Variants in KIF6 observed in about 807,000 individuals in gnomAD.
KIF6 encodes the protein kinesin family member 6, also known as kinesin-like protein KIF6.
In KIF6, 106 loss-of-function variants were observed where a neutral mutation model predicts 112.7. The observed-to-expected ratio is 0.94, with a 90% confidence interval of 0.80 to 1.11. The LOEUF is 1.11. KIF6 is among the 50% of genes least tolerant of loss of function. The pLI is 0.00. For synonymous variants in KIF6, 339 were observed against 339.9 expected (o/e 1.00, Z 0.03); for missense variants, 929 against 964.0 (o/e 0.96, Z 0.48).
chr6:39,540,145 A>G lies in KIF6; in HGVS notation c.1503T>C (p.Arg501=), dbSNP rs1778706549. The change falls in exon 13 of 23, where the codon CGT becomes CGC. Residue 501 remains arginine, a synonymous_variant. Coordinates refer to ENST00000287152, the MANE Select transcript of KIF6 (RefSeq NM_145027.6). Reference sequence around the variant, plus strand: ...GTGGGCTCTGGGACTGTCTGAATTCACGTCTATCCATGCCAGCCAAGTGGA... The same window carrying G: ...GTGGGCTCTGGGACTGTCTGAATTCGCGTCTATCCATGCCAGCCAAGTGGA... ...EALHLAGMDR[R]EFRQSQSPPF... 2 of 1,614,158 alleles carry G rather than the reference A, an allele frequency of 1.2e-6. No individual in the cohort carries two copies. The highest frequency in any genetic ancestry group is 1.7e-6 in the Non-Finnish European group (2 of 1,180,016).
At chr6:39,668,793 A>G (rs886775183) in intron 3 of KIF6, among the ~76,000 whole-genome samples, 4 of 152,140 alleles carry the variant, frequency 2.6e-5, no homozygotes, top group Non-Finnish European at 5.9e-5. Flanking sequence ...ATTTTAAGTA[A>G]TATTTTATAT....
At chr6:39,669,638 A>T (rs1190762158) in intron 3 of KIF6, among the ~76,000 whole-genome samples, 1 of 152,246 alleles carries the variant, frequency 6.6e-6, no homozygotes, top group East Asian at 1.9e-4. Flanking sequence ...CTTCTGTCAC[A>T]AAGGTACTTA....
At chr6:39,402,378 G>A (rs1329393509) in intron 15 of KIF6, among the ~76,000 whole-genome samples, 3 of 152,112 alleles carry the variant, frequency 2.0e-5, no homozygotes, top group Non-Finnish European at 2.9e-5. Context: ...TGCTGTGCCC[G>A]GCAGAAACTT....
At chr6:39,699,818 C>T (rs779247804) in intron 3 of KIF6, among the ~76,000 whole-genome samples, 1 of 151,908 alleles carries the variant, frequency 6.6e-6, no homozygotes, top group African/African-American at 2.4e-5. Context: ...AACAATAATA[C>T]TTTATTAATA....
At chr6:39,567,117 A>T (rs150013596) in intron 10 of KIF6, among the ~76,000 whole-genome samples, 40 of 152,358 alleles carry the variant, frequency 2.6e-4, no homozygotes, top group African/African-American at 8.2e-4. Flanking sequence ...AAAGACTTCT[A>T]TAAATGAAGT....
At chr6:39,533,691 A>C (rs1167044268) in intron 13 of KIF6, among the ~76,000 whole-genome samples, 1 of 152,260 alleles carries the variant, frequency 6.6e-6, no homozygotes, top group Non-Finnish European at 1.5e-5. Context: ...CCTGTCTGAC[A>C]GCTTTGAAGA....
Position 39,610,490 on chromosome 6 carries a change from T to C in KIF6, c.639+2699A>G, listed in dbSNP as rs150475702. Among the ~76,000 whole-genome samples the C allele has an allele frequency of 4.5e-4, 69 of 152,338 alleles. 1 individual carries two copies. The East Asian group carries it at 0.012, about 26-fold the overall frequency. On this transcript the variant is annotated intron_variant, in intron 6 of 22. Coordinates refer to ENST00000287152, the MANE Select transcript of KIF6 (RefSeq NM_145027.6). The stretch of plus-strand genomic sequence containing the variant: ...GGATTCCTCTGTGTAAATGGGAAAT[T>C]GGGAACTTCGTTTTTTAAAAAAATG...
chr6:39,336,926 C>CT (rs749222177), intron 22 of KIF6, among the ~76,000 whole-genome samples: 5,485 of 139,644 alleles, frequency 0.039, 148 homozygotes, highest in Non-Finnish European at 0.054. Flanking sequence ...TCTTCCCTTT[C>CT]TCTTCTTTCT....
intron 6 of KIF6, 52 bp downstream of exon 6, chr6:39,613,137 A>T: frequency 7.2e-7 from 1 of 1,389,544 alleles, no homozygotes; most frequent in Non-Finnish European, 9.5e-7. Context: ...TTGGCTTCAG[A>T]TACTGTATCT....
intron 15 of KIF6, among the ~76,000 whole-genome samples, chr6:39,388,330 C>T (rs189250803): frequency 6.6e-6 from 1 of 151,912 alleles, no homozygotes; most frequent in Non-Finnish European, 1.5e-5. Context: ...CTCCACTGCC[C>T]CTGGTTTGGG....
intron 5 of KIF6, among the ~76,000 whole-genome samples, chr6:39,621,931 C>T (rs2150736756): frequency 6.6e-6 from 1 of 152,072 alleles, no homozygotes; most frequent in Admixed American, 6.6e-5. Flanking sequence ...TTTGGGAAGC[C>T]GAGGTGGGTG....
chr6:39,497,426 C>T (rs80197008), intron 13 of KIF6, among the ~76,000 whole-genome samples: 2,053 of 152,296 alleles, frequency 0.013, 40 homozygotes, highest in African/African-American at 0.046. Flanking sequence ...ATGCACCCCT[C>T]GCTTGGGTTC....
intron 22 of KIF6, among the ~76,000 whole-genome samples, chr6:39,337,150 CTT>C (rs1307466358): frequency 3.2e-5 from 2 of 63,194 alleles, no homozygotes; most frequent in Non-Finnish European, 6.0e-5. Context: ...CTTCCTTTCT[CTT>C]TCTTTTCTTT....
At chr6:39,492,392 T>C (rs955561832) in intron 13 of KIF6, among the ~76,000 whole-genome samples, 4 of 152,246 alleles carry the variant, frequency 2.6e-5, no homozygotes, top group Admixed American at 1.3e-4. Context: ...TGGTATAAAG[T>C]GTAACGAAGT....
At chr6:39,660,849 T>C (rs1025035132) in intron 3 of KIF6, among the ~76,000 whole-genome samples, 1 of 152,216 alleles carries the variant, frequency 6.6e-6, no homozygotes, top group Non-Finnish European at 1.5e-5. Flanking sequence ...AACAAAGCCA[T>C]TATGGATTAT....
rs1273582597 is a variant in KIF6 at position 39,640,184 on chromosome 6, T to C, written c.252-427A>G. ...GAGGAACACACTCTGCTTGCCACCA[T>C]ATACCTTGCAATGTAATTCCCTACT... On this transcript the variant is annotated intron_variant, in intron 3 of 22. Transcript: ENST00000287152. Among the ~76,000 whole-genome samples the C allele has an allele frequency of 2.0e-5, 3 of 152,098 alleles. No homozygotes were observed. The East Asian group carries it at 5.8e-4, about 29-fold the overall frequency.
chr6:39,595,123 A>G (rs1419878239), intron 7 of KIF6, among the ~76,000 whole-genome samples: 1 of 152,180 alleles, frequency 6.6e-6, no homozygotes, highest in Non-Finnish European at 1.5e-5. Context: ...GGCTAACAGA[A>G]CCATCATGGG....
chr6:39,538,784 A>C (rs998330268), intron 13 of KIF6, among the ~76,000 whole-genome samples: 2 of 148,208 alleles, frequency 1.3e-5, no homozygotes, highest in Non-Finnish European at 3.0e-5. Context: ...TTATTGTGGC[A>C]CTATTCACAA....
Position 39,593,821 on chromosome 6 carries a change from C to A in KIF6, c.846+2233G>T, listed in dbSNP as rs370218609. ...GGCCCTAAGAAAACCATCTTCAACTCTCACCTCCTCAGTCTGAGTCAGATA... is the reference window on the plus strand; with the variant it reads ...GGCCCTAAGAAAACCATCTTCAACTATCACCTCCTCAGTCTGAGTCAGATA... On this transcript the variant is annotated intron_variant, in intron 7 of 22. Transcript: ENST00000287152. 1.2e-4 allele frequency among the ~76,000 whole-genome samples: 19 copies of A among 152,270 alleles called. 1 individual carries two copies. In the East Asian group the frequency reaches 2.1e-3, roughly 17 times the overall value.
Sources: allele counts gnomAD v4.1 joint callset (sites outside exome capture counted in the v4.1 genomes callset), GRCh38; gene constraint gnomAD v4.1.1; transcripts MANE v1.5; gene names NCBI Gene and HGNC (gene_info 2026-07-23, HGNC 2026-07-21).